SRCAP: variants seen among roughly 807,000 people sequenced by gnomAD.
SRCAP encodes the protein Snf2 related CREBBP activator protein, also known as chromatin remodeling protein SRCAP.
SRCAP carries 46 observed loss-of-function variants against 263.1 expected under a neutral mutation model. The ratio of observed to expected loss-of-function variants is 0.17; its 90% CI spans 0.14 to 0.22. SRCAP has a LOEUF of 0.22. Among genes scored for constraint, SRCAP ranks in the 10% least tolerant of loss-of-function variants. The probability of loss-of-function intolerance (pLI) is 1.00; values close to 1 mark genes in which losing one functional copy is unlikely to be tolerated. For synonymous variants in SRCAP, 1,813 were observed against 1,662.1 expected, an observed-to-expected ratio of 1.09 and a Z score of -2.21; for missense variants, 3,695 against 4,181.9, an observed-to-expected ratio of 0.88 and a Z score of 3.21.
At chr16:30,725,347 G>A in intron 25 of SRCAP, 1 of 489,486 alleles carries the variant, frequency 2.0e-6, no homozygotes, top group South Asian at 2.9e-5. Context: ...AACCCGCACG[G>A]TAATAAATGG....
intron 6 of SRCAP, 69 bp downstream of exon 6, chr16:30,707,781 T>C (rs1338385904): frequency 7.0e-6 from 11 of 1,562,812 alleles, no homozygotes; most frequent in Non-Finnish European, 8.7e-6. Context: ...GTAGTAGGAA[T>C]GATCAAAACT....
chr16:30,722,883 C>T (rs949142986), intron 23 of SRCAP, 80 bp from the exon 24 acceptor site: 10 of 1,551,620 alleles, frequency 6.4e-6, no homozygotes, highest in Non-Finnish European at 8.7e-6. Context: ...CTGCCACCTT[C>T]TCCTGCCCCT....
At position 30,724,974 on chromosome 16, in the gene SRCAP, A is replaced by G. The variant is rs1210421846; in HGVS notation, c.5550A>G (p.Thr1850=). 3.7e-6 allele frequency: 6 copies of G among 1,613,900 alleles called. No homozygotes were observed. The highest frequency in any genetic ancestry group is 5.1e-6 in the Non-Finnish European group (6 of 1,179,990). Residue 1850 remains threonine, a synonymous_variant, in exon 25 of 34, where the codon ACA becomes ACG. Transcript: ENST00000262518. ...RLPVSKDEPD[T]LTLRSGPPSP... is the part of the protein sequence containing the mutation. ...CTGTTTCCAAGGATGAGCCTGACAC[A>G]CTGACATTGCGCTCTGGTCCCCCCA... is the stretch of plus-strand genomic sequence containing the variant.
chr16:30,736,085 C>G (rs893574549), intron 31 of SRCAP, 115 bp from the exon 32 acceptor site: 2 of 1,273,116 alleles, frequency 1.6e-6, no homozygotes, highest in African/African-American at 3.0e-5. Context: ...TTGTTGAGTT[C>G]TGTTGCAAAC....
chr16:30,704,155 A>T lies in SRCAP; in HGVS notation c.146A>T (p.Gln49Leu), dbSNP rs759343194. ...AGTGGGGCAGGCGGCATCTCCCCGC[A>T]GCACATAGCTCAAGATTCCTCACTG... ...ASSGAGGISP[Q>L]HIAQDSSLDG... Residue 49 changes from glutamine (Q) to leucine (L), a missense_variant, in exon 4 of 34, where the codon CAG becomes CTG. This residue lies in a region of SRCAP where 122 missense variants were observed against 116.9 expected (regional missense o/e 1.04). Transcript: ENST00000262518. 6.2e-7 allele frequency: 1 copy of T among 1,614,174 alleles called. No homozygotes were observed. Among genetic ancestry groups the T allele is most frequent in the South Asian group, 1.1e-5 (1 of 91,080 alleles).
intron 3 of SRCAP, among the ~76,000 whole-genome samples, chr16:30,701,736 TCTC>T (rs952592617): frequency 1.9e-4 from 29 of 151,302 alleles, no homozygotes; most frequent in Non-Finnish European, 4.1e-4. Flanking sequence ...TTCAAACAGT[TCTC>T]CTGCCTCAGC....
chr16:30,705,903 A>T (rs1253800470), intron 4 of SRCAP, among the ~76,000 whole-genome samples: 1 of 151,128 alleles, frequency 6.6e-6, no homozygotes, highest in Non-Finnish European at 1.5e-5. Flanking sequence ...ACGGGGTTTC[A>T]CCGTTTTAGC....
rs1326499726 is a variant in SRCAP at position 30,720,827 on chromosome 16, C to T, written c.3102C>T (p.Ala1034=). The part of the protein sequence containing the change: ...VRPPPGPELS[A]QPTPGPVPQV... ...CTCCTCCAGGTCCTGAGCTCTCAGC[C>T]CAGCCCACCCCTGGCCCAGTCCCCC... The change falls in exon 20 of 34, where the codon GCC becomes GCT. Residue 1034 remains alanine, a synonymous_variant. Coordinates refer to ENST00000262518, the MANE Select transcript of SRCAP (RefSeq NM_006662.3). 6 of 1,614,092 alleles carry T rather than the reference C, an allele frequency of 3.7e-6. No homozygotes were observed. Among genetic ancestry groups the T allele is most frequent in the Middle Eastern group, 1.6e-4 (1 of 6,062 alleles).
chr16:30,729,622 TATTAAG>T, intron 27 of SRCAP, 50 bp downstream of exon 27: 1 of 1,596,720 alleles, frequency 6.3e-7, no homozygotes, highest in Non-Finnish European at 8.6e-7. Context: ...CTTTTCTTAG[TATTAAG>T]ACTGTTGTAT....
At chr16:30,722,498 C>T (rs1789526114) in intron 22 of SRCAP, 65 bp from the exon 23 acceptor site, 8 of 1,582,738 alleles carry the variant, frequency 5.1e-6, no homozygotes, top group Non-Finnish European at 6.9e-6. Flanking sequence ...CTCTTCTTGC[C>T]TTGCCTCTGC....
chr16:30,733,390 A>G lies in SRCAP; in HGVS notation c.6238A>G (p.Thr2080Ala). 1 of 1,614,010 alleles carries G rather than the reference A, an allele frequency of 6.2e-7. No individual in the cohort carries two copies. Among genetic ancestry groups the G allele is most frequent in the South Asian group, 1.1e-5 (1 of 91,074 alleles). ...GCTGGATGTATTGGAGCAGTTTCTCACCTACCATGGCCATCTCTACCTGCG... is the reference window on the plus strand; with the variant it reads ...GCTGGATGTATTGGAGCAGTTTCTCGCCTACCATGGCCATCTCTACCTGCG... ...RMLDVLEQFL[T>A]YHGHLYLRLD... The change falls in exon 28 of 34, where the codon ACC (threonine) becomes GCC (alanine). Residue 2080 changes from threonine (T) to alanine (A), a missense_variant. Thr to Ala is a moderately conservative substitution (Grantham distance 58). Around this residue, in one of 12 missense-constraint regions of SRCAP, gnomAD observed 138 missense variants for 254.9 expected, o/e 0.54. Coordinates refer to ENST00000262518, the MANE Select transcript of SRCAP (RefSeq NM_006662.3). The surrounding 1 kb of genome is among the most constrained non-coding windows in gnomAD (Gnocchi z 5.3).
In SRCAP at chr16:30,721,225, C is replaced by T. The variant is rs1250268181; in HGVS notation, c.3290C>T (p.Ser1097Leu). 1.2e-6 allele frequency: 2 copies of T among 1,613,250 alleles called. No homozygotes were observed. Among genetic ancestry groups the T allele is most frequent in the Admixed American group, 1.7e-5 (1 of 59,976 alleles). ...PSPLGVLSGT[S>L]RPPTPTLSLK... ...CCCCTGGGGGTCCTGAGTGGGACCT[C>T]ACGGCCTCCCACGCCAACCTTGTCC... The change falls in exon 21 of 34, where the codon TCA becomes TTA. Residue 1097 changes from serine to leucine, a missense_variant. Physicochemically the swap from Ser to Leu is moderately radical, Grantham distance 145. This residue lies in a region of SRCAP where 1,347 missense variants were observed against 1,304.4 expected (regional missense o/e 1.03). Transcript: ENST00000262518.
intron 21 of SRCAP, 47 bp from the exon 22 acceptor site, chr16:30,722,072 GTGT>G: frequency 5.1e-6 from 8 of 1,581,614 alleles, no homozygotes; most frequent in Non-Finnish European, 6.9e-6. Flanking sequence ...CTGTGAAGTG[GTGT>G]TGAGCAGGAT....
chr16:30,732,562 G>A (rs1434730727), intron 27 of SRCAP, among the ~76,000 whole-genome samples: 1 of 152,176 alleles, frequency 6.6e-6, no homozygotes, highest in Non-Finnish European at 1.5e-5. Flanking sequence ...CTTTCTAAGA[G>A]CCTTTACTGT....
intron 18 of SRCAP, among the ~76,000 whole-genome samples, chr16:30,718,685 G>T (rs902854235): frequency 4.6e-5 from 7 of 151,570 alleles, no homozygotes; most frequent in African/African-American, 1.7e-4. Flanking sequence ...TTGCCCAGCT[G>T]GTCTCGAACG....
At chr16:30,722,324 C>T (rs1336758638) in intron 22 of SRCAP, 38 bp downstream of exon 22, 8 of 1,595,636 alleles carry the variant, frequency 5.0e-6, no homozygotes, top group Non-Finnish European at 6.8e-6. Context: ...CTTTTTCCTC[C>T]TCTTCCCTGT....
intron 31 of SRCAP, among the ~76,000 whole-genome samples, chr16:30,735,212 T>C (rs2151299051): frequency 7.1e-6 from 1 of 141,804 alleles, no homozygotes; most frequent in East Asian, 2.0e-4. Context: ...AGTGGCGGGA[T>C]CTCGGCTCAC....
At chr16:30,713,768 C>T in intron 16 of SRCAP, 57 bp downstream of exon 16, 2 of 1,545,108 alleles carry the variant, frequency 1.3e-6, no homozygotes, top group Middle Eastern at 2.3e-4. Flanking sequence ...CATTCCTGAG[C>T]ACCTGGGCAG....
In SRCAP at chr16:30,704,227, G is replaced by T. The variant is rs1205598049; in HGVS notation, c.218G>T (p.Gly73Val). Residue 73 changes from glycine to valine, a missense_variant, in exon 4 of 34, where the codon GGG becomes GTG. By Grantham distance (109) the Gly-to-Val change is moderately radical (BLOSUM62 -3). Transcript: ENST00000262518. ...PPDGATVPLE[G>V]FSLSQAADLA... ...GATGGTGCCACAGTGCCCCTGGAGG[G>T]GTTCAGCTTATCCCAGGCTGCTGAC... is the stretch of plus-strand genomic sequence containing the variant. 1 of 1,614,026 alleles carries T rather than the reference G, an allele frequency of 6.2e-7. No homozygotes were observed. The highest frequency in any genetic ancestry group is 8.5e-7 in the Non-Finnish European group (1 of 1,180,024).
Sources: allele counts gnomAD v4.1 joint callset (sites outside exome capture counted in the v4.1 genomes callset), GRCh38; gene constraint gnomAD v4.1.1; regional missense constraint gnomAD v4.1.1; non-coding constraint Gnocchi (gnomAD v3.1); transcripts MANE v1.5; gene names NCBI Gene and HGNC (gene_info 2026-07-23, HGNC 2026-07-21).